Variants in GRXCR2 observed in about 807,000 individuals in gnomAD.
GRXCR2 encodes glutaredoxin and cysteine rich domain containing 2.
Under a neutral mutation model 24.8 loss-of-function variants are expected in GRXCR2, and 23 were observed. The ratio of observed to expected loss-of-function variants is 0.93; its 90% CI spans 0.67 to 1.32. GRXCR2 has a LOEUF of 1.32. Among genes scored for constraint, GRXCR2 ranks in the 40% most tolerant of loss-of-function variants. The pLI is 0.00. For missense variants in GRXCR2, 315 were observed against 303.4 expected (o/e 1.04, Z -0.28); for synonymous variants, 130 against 116.1 (o/e 1.12, Z -0.77).
chr5:145,868,886 G>A (rs1429371110), intron 1 of GRXCR2, among the ~76,000 whole-genome samples: 1 of 152,190 alleles, frequency 6.6e-6, no homozygotes, highest in Non-Finnish European at 1.5e-5. Context: ...AAACTCTATG[G>A]TTGTAATGAA....
chr5:145,872,432 A>T (rs2149912040), intron 1 of GRXCR2, among the ~76,000 whole-genome samples: 1 of 152,334 alleles, frequency 6.6e-6, no homozygotes, highest in Non-Finnish European at 1.5e-5. Context: ...TGCTCATTGC[A>T]CTTTCCAATT....
chr5:145,872,787 A>G lies in GRXCR2; in HGVS notation c.182T>C (p.Met61Thr), dbSNP rs76180713. 121 of 1,614,126 alleles carry G rather than the reference A, an allele frequency of 7.5e-5. No individual in the cohort carries two copies. Among genetic ancestry groups the G allele is most frequent in the Middle Eastern group, 1.6e-4 (1 of 6,062 alleles). Residue 61 changes from methionine (M) to threonine (T), a missense_variant, in exon 1 of 3, where the codon ATG (methionine) becomes ACG (threonine). Met to Thr is a moderately conservative substitution (Grantham distance 81). Coordinates refer to ENST00000377976, the MANE Select transcript of GRXCR2 (RefSeq NM_001080516.2). ...HSFLQESLET[M>T]DGVYGSGEVP... is the part of the protein sequence containing the mutation. ...TTCCCCAGACCCATAAACACCATCC[A>G]TTGTTTCAAGAGACTCTTGCAGAAA...
At position 145,896,524 on chromosome 5, in the gene GRXCR2, A is replaced by C. The variant is rs143840714; in HGVS notation, c.-69-29796T>G. Among the ~76,000 whole-genome samples, 48 of 152,364 alleles carry C rather than the reference A, an allele frequency of 3.2e-4. No homozygotes were observed. In the East Asian group the frequency reaches 8.7e-3, roughly 28 times the overall value. Reference sequence around the variant, plus strand: ...AGACATTCATGCAGCCAAAAGGCACATGAAAAAATGCTCATCATCACTGGT... The same window carrying C: ...AGACATTCATGCAGCCAAAAGGCACCTGAAAAAATGCTCATCATCACTGGT... On this transcript the variant is annotated intron_variant, in intron 2 of 3. Transcript: ENST00000639411.
chr5:145,887,819 C>T lies in GRXCR2; in HGVS notation c.-69-21091G>A, dbSNP rs554969376. On this transcript the variant is annotated intron_variant, in intron 2 of 3. Transcript: ENST00000639411. ...AAAAGTATTTCACTGGTTGAAATAT[C>T]ATAACTGTTTCAGAAAGCGTTTGTA... 1.1e-4 allele frequency among the ~76,000 whole-genome samples: 17 copies of T among 152,282 alleles called. No homozygotes were observed. The South Asian group carries it at 1.4e-3, about 13-fold the overall frequency.
At chr5:145,905,775 G>A (rs1757083455) in intron 2 of GRXCR2, among the ~76,000 whole-genome samples, 1 of 152,178 alleles carries the variant, frequency 6.6e-6, no homozygotes, top group African/African-American at 2.4e-5. Context: ...ATTCAGGAGA[G>A]CAGTCACTAA....
At chr5:145,919,937 G>A (rs1167968061) in intron 2 of GRXCR2, among the ~76,000 whole-genome samples, 1 of 152,064 alleles carries the variant, frequency 6.6e-6, no homozygotes, top group Non-Finnish European at 1.5e-5. Context: ...TTGTTTTTTA[G>A]TCTGTTCTGG....
upstream of GRXCR2, among the ~76,000 whole-genome samples, chr5:145,875,050 T>A (rs1756591257): frequency 6.6e-6 from 1 of 152,216 alleles, no homozygotes; most frequent in South Asian, 2.1e-4. Flanking sequence ...TGCTTCTCAC[T>A]TTCCCTTGCC....
chr5:145,887,159 G>A (rs904117340), intron 2 of GRXCR2, among the ~76,000 whole-genome samples: 5 of 152,296 alleles, frequency 3.3e-5, no homozygotes, highest in East Asian at 1.9e-4. Context: ...GCAGTAGCAC[G>A]ATCGTAGCTC....
chr5:145,927,779 G>C (rs1757421172), intron 2 of GRXCR2, among the ~76,000 whole-genome samples: 1 of 152,058 alleles, frequency 6.6e-6, no homozygotes, highest in African/African-American at 2.4e-5. Flanking sequence ...TTAAATGTTA[G>C]ACCTAAAACC....
At chr5:145,922,396 G>A (rs956012536) in intron 2 of GRXCR2, among the ~76,000 whole-genome samples, 3 of 152,110 alleles carry the variant, frequency 2.0e-5, no homozygotes, top group Non-Finnish European at 4.4e-5. Flanking sequence ...ATGTCCAGTG[G>A]GGATTTCCAA....
At chr5:145,902,285 TA>T (rs2149922885) in intron 2 of GRXCR2, among the ~76,000 whole-genome samples, 1 of 152,268 alleles carries the variant, frequency 6.6e-6, no homozygotes, top group South Asian at 2.1e-4. Flanking sequence ...TTATTTTTTG[TA>T]GATACAGTGT....
chr5:145,890,835 T>C (rs1271890188), intron 2 of GRXCR2, among the ~76,000 whole-genome samples: 2 of 148,812 alleles, frequency 1.3e-5, no homozygotes, highest in Non-Finnish European at 1.5e-5. Flanking sequence ...GCAAGTTGAA[T>C]TAAAAAAAAA....
At chr5:145,895,248 C>A (rs1374805957) in intron 2 of GRXCR2, among the ~76,000 whole-genome samples, 1 of 151,920 alleles carries the variant, frequency 6.6e-6, no homozygotes, top group Non-Finnish European at 1.5e-5. Flanking sequence ...CCTCTCTCAC[C>A]ACTCCTATTC....
At chr5:145,891,808 G>A (rs1323193742) in intron 2 of GRXCR2, among the ~76,000 whole-genome samples, 1 of 152,166 alleles carries the variant, frequency 6.6e-6, no homozygotes, top group African/African-American at 2.4e-5. Context: ...CATGCAGCTG[G>A]ATATCTGAAA....
intron 2 of GRXCR2, among the ~76,000 whole-genome samples, chr5:145,880,461 T>G (rs555789841): frequency 6.6e-6 from 1 of 152,062 alleles, no homozygotes; most frequent in Non-Finnish European, 1.5e-5. Context: ...ATGGATAAAT[T>G]CCTGGACACA....
At chr5:145,927,917 TA>T (rs1206179207) in intron 2 of GRXCR2, among the ~76,000 whole-genome samples, 5 of 152,046 alleles carry the variant, frequency 3.3e-5, no homozygotes, top group Admixed American at 2.0e-4. Context: ...CTAACTAAAC[TA>T]AAGAGCTTCT....
chr5:145,921,099 T>C (rs916225023), intron 2 of GRXCR2, among the ~76,000 whole-genome samples: 1 of 152,188 alleles, frequency 6.6e-6, no homozygotes, highest in African/African-American at 2.4e-5. Context: ...AAATATCTTA[T>C]CTCATTTAAT....
At chr5:145,869,819 A>C (rs571368033) in intron 1 of GRXCR2, among the ~76,000 whole-genome samples, 16 of 152,212 alleles carry the variant, frequency 1.1e-4, no homozygotes, top group African/African-American at 3.1e-4. Flanking sequence ...AGTCTCCCCA[A>C]GTGCTGGGAT....
At chr5:145,904,603 C>G (rs1443453781) in intron 2 of GRXCR2, among the ~76,000 whole-genome samples, 1 of 152,192 alleles carries the variant, frequency 6.6e-6, no homozygotes, top group Non-Finnish European at 1.5e-5. Context: ...TCCGTGTGGT[C>G]CTGGCAGGAG....
Sources: gnomAD v4.1 joint callset for allele counts (sites outside exome capture counted in the v4.1 genomes callset) on GRCh38, gnomAD v4.1.1 for gene constraint, MANE v1.5 for transcripts, NCBI Gene and HGNC (gene_info 2026-07-23, HGNC 2026-07-21) for gene names.